Variants in ADCK1 observed in about 807,000 individuals in gnomAD.
ADCK1 encodes the protein aarF domain containing kinase 1, also known as aarF domain-containing protein kinase 1.
A neutral mutation model predicts 52.3 loss-of-function variants in ADCK1; 41 were observed. The observed-to-expected ratio is 0.78, with a 90% CI of 0.61 to 1.02. ADCK1 has a LOEUF of 1.02. ADCK1 is among the 50% of genes least tolerant of loss of function. The pLI is 0.00. For missense variants in ADCK1, 658 were observed against 679.5 expected, an observed-to-expected ratio of 0.97 and a Z score of 0.35; for synonymous variants, 250 against 274.6, an observed-to-expected ratio of 0.91 and a Z score of 0.89.
chr14:77,836,769 C>CTTTTTTTT (rs1293120244), intron 3 of ADCK1, among the ~76,000 whole-genome samples: 4 of 75,270 alleles, frequency 5.3e-5, no homozygotes, highest in African/African-American at 9.0e-5. Context: ...TTCTTTCTTT[C>CTTTTTTTT]TTTCTTTTTT....
At position 77,933,310 on chromosome 14, in the gene ADCK1, G is replaced by A. The variant is rs149180494; in HGVS notation, c.1491G>A (p.Glu497=). The change falls in exon 11 of 11, where the codon GAG becomes GAA. Residue 497 remains glutamate (E), a synonymous_variant. Coordinates refer to ENST00000238561, the MANE Select transcript of ADCK1 (RefSeq NM_020421.4). ...ACTTATGGCAGATCAACCTCCATGA[G>A]CTCATCCTGCGTGTGAAGGGGTTGA... The part of the protein sequence containing the change: ...AFNLWQINLH[E]LILRVKGLKL... 40 of 1,614,014 alleles carry A rather than the reference G, an allele frequency of 2.5e-5. No homozygotes were observed. The highest frequency in any genetic ancestry group is 5.0e-5 in the Admixed American group (3 of 60,002).
intron 2 of ADCK1, 147 bp downstream of exon 2, chr14:77,819,260 A>AG: frequency 4.5e-6 from 5 of 1,104,478 alleles, no homozygotes; most frequent in Non-Finnish European, 5.2e-6. Context: ...GCACAGGTGT[A>AG]CACATATGGA....
intron 5 of ADCK1, among the ~76,000 whole-genome samples, chr14:77,888,934 A>G (rs2083221715): frequency 6.6e-6 from 1 of 152,128 alleles, no homozygotes; most frequent in Non-Finnish European, 1.5e-5. Context: ...TGTAGCCCCC[A>G]TAAGCCCCAC....
At chr14:77,801,470 A>G (rs1045484376) in intron 1 of ADCK1, among the ~76,000 whole-genome samples, 1 of 152,316 alleles carries the variant, frequency 6.6e-6, no homozygotes, top group Middle Eastern at 3.4e-3. Flanking sequence ...ATTTTAATGT[A>G]GTCTATACTT....
At chr14:77,863,606 G>A (rs530818432) in intron 4 of ADCK1, among the ~76,000 whole-genome samples, 5 of 152,252 alleles carry the variant, frequency 3.3e-5, no homozygotes, top group African/African-American at 1.2e-4. Flanking sequence ...GGAGGCTGAG[G>A]TGGGTGGATC....
intron 1 of ADCK1, among the ~76,000 whole-genome samples, chr14:77,817,280 T>C (rs984311715): frequency 2.6e-5 from 4 of 152,148 alleles, no homozygotes; most frequent in Non-Finnish European, 5.9e-5. Flanking sequence ...TTTGTAATAA[T>C]AGTTTCCATA....
chr14:77,887,483 T>C (rs2083184624), intron 5 of ADCK1, among the ~76,000 whole-genome samples: 2 of 152,140 alleles, frequency 1.3e-5, no homozygotes, highest in Non-Finnish European at 2.9e-5. Flanking sequence ...AGGAACTGCC[T>C]GTGATGGTCT....
At chr14:77,886,438 A>G (rs1478091888) in intron 4 of ADCK1, among the ~76,000 whole-genome samples, 1 of 152,230 alleles carries the variant, frequency 6.6e-6, no homozygotes, top group South Asian at 2.1e-4. Flanking sequence ...GGACAGTTCA[A>G]TGGGCAAATA....
intron 7 of ADCK1, among the ~76,000 whole-genome samples, chr14:77,916,126 G>A (rs1373860788): frequency 1.3e-5 from 2 of 152,126 alleles, no homozygotes; most frequent in Admixed American, 6.5e-5. Flanking sequence ...TGGAAAGATA[G>A]GAAAGTATTT....
At position 77,928,465 on chromosome 14, in the gene ADCK1, A is replaced by AT. The variant is rs35687694; in HGVS notation, c.1206+2518dup. 0.015 allele frequency among the ~76,000 whole-genome samples: 2,151 copies of AT among 144,486 alleles called. 147 individuals carry two copies. The East Asian group carries it at 0.24, about 16-fold the overall frequency. 94.8% of individuals were successfully genotyped at this position (144,486 alleles called of 152,430 possible). A position where few individuals can be genotyped will look rare whatever the true frequency, so the allele number is the denominator to read the frequency against. ...AACTAAGATAGAATTTTGTTTTTGCATTTTTTTTTTTTTTGAGACAGAGTC... is the reference window on the plus strand; with the variant it reads ...AACTAAGATAGAATTTTGTTTTTGCATTTTTTTTTTTTTTTGAGACAGAGTC... On this transcript the variant is annotated intron_variant, in intron 9 of 10. Transcript: ENST00000238561.
At chr14:77,874,854 T>C (rs1171313688) in intron 4 of ADCK1, among the ~76,000 whole-genome samples, 2 of 152,084 alleles carry the variant, frequency 1.3e-5, no homozygotes, top group Non-Finnish European at 2.9e-5. Context: ...CCTCTTGGCA[T>C]TTGAGTGACT....
intron 4 of ADCK1, among the ~76,000 whole-genome samples, chr14:77,879,896 TG>T (rs34751736): frequency 0.38 from 57,893 of 152,006 alleles, 11,789 homozygotes; most frequent in Admixed American, 0.51. Flanking sequence ...TGGCAGTTAT[TG>T]GGGGGCTACT....
chr14:77,837,360 A>G (rs1214518283), intron 3 of ADCK1, among the ~76,000 whole-genome samples: 2 of 151,202 alleles, frequency 1.3e-5, no homozygotes, highest in Admixed American at 6.6e-5. Flanking sequence ...CTGGTCTTCA[A>G]CTCCTGGGCT....
chr14:77,906,165 C>T (rs1199409662), intron 6 of ADCK1, among the ~76,000 whole-genome samples: 1 of 152,156 alleles, frequency 6.6e-6, no homozygotes, highest in Non-Finnish European at 1.5e-5. Context: ...ACAGTATTAG[C>T]AGAATTAGGA....
At chr14:77,807,320 G>A (rs1371088718) in intron 1 of ADCK1, among the ~76,000 whole-genome samples, 1 of 144,552 alleles carries the variant, frequency 6.9e-6, no homozygotes, top group Admixed American at 6.9e-5. Flanking sequence ...CGCCCGCCTC[G>A]GCCTCCCAAA....
intron 7 of ADCK1, among the ~76,000 whole-genome samples, chr14:77,912,066 C>T (rs547906121): frequency 6.6e-6 from 1 of 152,344 alleles, no homozygotes; most frequent in East Asian, 1.9e-4. Context: ...TTGAACTTCA[C>T]ATAAATGGAA....
intron 4 of ADCK1, among the ~76,000 whole-genome samples, chr14:77,877,796 A>T (rs2082933408): frequency 6.6e-6 from 1 of 151,996 alleles, no homozygotes; most frequent in South Asian, 2.1e-4. Flanking sequence ...GTAGAGATGG[A>T]GTCTTGTTAA....
At chr14:77,844,241 C>T (rs746119922) in intron 3 of ADCK1, among the ~76,000 whole-genome samples, 25 of 152,020 alleles carry the variant, frequency 1.6e-4, no homozygotes, top group Non-Finnish European at 2.9e-4. Flanking sequence ...CCACCATGCC[C>T]GGTGAATTAT....
chr14:77,876,861 G>A (rs2082911525), intron 4 of ADCK1, among the ~76,000 whole-genome samples: 1 of 152,174 alleles, frequency 6.6e-6, no homozygotes. Context: ...GGCACTGCTG[G>A]TATCATATGC....
Sources: allele counts gnomAD v4.1 joint callset (sites outside exome capture counted in the v4.1 genomes callset), GRCh38; gene constraint gnomAD v4.1.1; transcripts MANE v1.5; gene names NCBI Gene and HGNC (gene_info 2026-07-23, HGNC 2026-07-21).